Variants in MS4A6A observed in about 807,000 individuals in gnomAD.
The protein encoded by MS4A6A is membrane spanning 4-domains A6A, also known as membrane-spanning 4-domains subfamily A member 6A.
In MS4A6A, 19 loss-of-function variants were observed where a neutral mutation model predicts 20.6. The ratio of observed to expected loss-of-function variants is 0.92; its 90% CI spans 0.64 to 1.36. The LOEUF is 1.36. MS4A6A is among the 40% of genes most tolerant of loss of function. The pLI, the probability that MS4A6A is intolerant of heterozygous loss-of-function variation, is 0.00. For synonymous variants in MS4A6A, 108 were observed against 105.0 expected (o/e 1.03, Z -0.17); for missense variants, 272 against 261.1 (o/e 1.04, Z -0.29).
At chr11:60,172,482 A>G (rs1177968688), downstream of MS4A6A, 2 of 1,239,870 alleles carry the variant, frequency 1.6e-6, no homozygotes, top group Non-Finnish European at 2.0e-6. Flanking sequence ...AAATAAAGCC[A>G]TAAGTCCATA....
intron 3 of MS4A6A, 136 bp downstream of exon 3, chr11:60,179,695 C>A (rs996768797): frequency 2.0e-6 from 2 of 977,646 alleles, no homozygotes; most frequent in Admixed American, 3.6e-5. Flanking sequence ...TCCTACCCGA[C>A]AGGAGAACAA....
chr11:60,175,223 T>C (rs763532294), intron 5 of MS4A6A, among the ~76,000 whole-genome samples, 179 bp downstream of exon 5: 1 of 152,242 alleles, frequency 6.6e-6, no homozygotes, highest in Non-Finnish European at 1.5e-5. Context: ...AATTCCACTC[T>C]ATTAGTATGT....
chr11:60,183,378 A>C, upstream of MS4A6A: 1 of 553,654 alleles, frequency 1.8e-6, no homozygotes, highest in Non-Finnish European at 3.2e-6. Flanking sequence ...TGTCATAAAG[A>C]TGAGCAAAAA....
intron 5 of MS4A6A, among the ~76,000 whole-genome samples, chr11:60,174,556 C>T (rs770231879): frequency 1.5e-4 from 23 of 152,146 alleles, no homozygotes; most frequent in Admixed American, 8.5e-4. Context: ...GAACACCTGA[C>T]CTCGTGATCC....
chr11:60,181,355 A>T (rs1456880109), intron 2 of MS4A6A: 5 of 569,222 alleles, frequency 8.8e-6, no homozygotes, highest in Non-Finnish European at 1.2e-5. Context: ...CAAAGACAAC[A>T]ATAGAAAATC....
chr11:60,172,361 A>T, downstream of MS4A6A: 1 of 1,496,220 alleles, frequency 6.7e-7, no homozygotes, highest in Admixed American at 2.2e-5. Context: ...CTAATCCAAG[A>T]TAAGTAGAGC....
intron 3 of MS4A6A, chr11:60,178,895 C>T (rs572197688): frequency 1.1e-4 from 44 of 413,516 alleles, no homozygotes; most frequent in African/African-American, 5.7e-4. Context: ...TCTCAGCCAG[C>T]GCTACCCAAA....
Position 60,175,508 on chromosome 11 carries a change from T to A in MS4A6A, c.443A>T (p.Gln148Leu), listed in dbSNP as rs570232547. ...TATATTATTTTTGTCCAACTCACAC[T>A]GCAGTGAGGCAGGATTTAAGGTGGC... Reference protein sequence around the residue: ...KQATLNPASLQCELDKNNIPT... With the variant: ...KQATLNPASLLCELDKNNIPT... The change falls in exon 5 of 6, where the codon CAG becomes CTG. Residue 148 changes from glutamine to leucine, a missense_variant. Gln to Leu is a moderately radical substitution (Grantham distance 113). Transcript: ENST00000528851. 2 of 1,614,114 alleles carry A rather than the reference T, an allele frequency of 1.2e-6. No individual in the cohort carries two copies. Among genetic ancestry groups the A allele is most frequent in the East Asian group, 2.2e-5 (1 of 44,884 alleles).
intron 1 of MS4A6A, 82 bp downstream of exon 1, chr11:60,182,896 G>T: frequency 1.3e-6 from 1 of 752,204 alleles, no homozygotes; most frequent in Non-Finnish European, 1.8e-6. Flanking sequence ...CTGCTGTCAA[G>T]GAGTTTCAAG....
At chr11:60,173,696 T>C (rs1003184434) in intron 5 of MS4A6A, among the ~76,000 whole-genome samples, 1 of 152,246 alleles carries the variant, frequency 6.6e-6, no homozygotes, top group Non-Finnish European at 1.5e-5. Flanking sequence ...TTCTTCTTGA[T>C]TTTTGTTGTT....
chr11:60,181,813 C>T, intron 1 of MS4A6A, 72 bp from the exon 2 acceptor site: 2 of 1,476,584 alleles, frequency 1.4e-6, no homozygotes, highest in Non-Finnish European at 1.9e-6. Flanking sequence ...AAAACAGTAA[C>T]TCAGTCTTTG....
rs926584203 is a variant in MS4A6A, at chr11:60,181,855, A to G, written c.-14-114T>C. On this transcript the variant is annotated intron_variant, in intron 1 of 5. Transcript: ENST00000528851. ...AGTCTAGGCTTGGCCTGTCCATTAG[A>G]GAAAGAAACTGATAGTATGGAACAG... 7.0e-6 allele frequency: 7 copies of G among 994,830 alleles called. No individual in the cohort carries two copies. The Admixed American group carries it at 1.6e-4, about 23-fold the overall frequency. The allele number at this position is 994,830 out of a possible 1,614,324, so 61.6% of individuals were successfully genotyped here. A position where few individuals can be genotyped will look rare whatever the true frequency, so the allele number is the denominator to read the frequency against.
At position 60,179,810 on chromosome 11, in the gene MS4A6A, C is replaced by T. The variant is rs749633289; in HGVS notation, c.282+21G>A. 5.0e-6 allele frequency: 8 copies of T among 1,613,856 alleles called. No homozygotes were observed. In the African/African-American group the frequency reaches 5.3e-5, roughly 11 times the overall value. On this transcript the variant is annotated intron_variant, in intron 3 of 5. Transcript: ENST00000528851. ...CCTCCCCTCTTTGCCCCATCCTGCC[C>T]TCCTCAGAAACTCTACTCACAAAAA...
intron 3 of MS4A6A, chr11:60,178,836 T>TA (rs1856982106): frequency 5.0e-6 from 2 of 401,562 alleles, no homozygotes; most frequent in Non-Finnish European, 9.9e-6. Context: ...ACTCTAAACA[T>TA]CAAAAAAAAA....
intron 5 of MS4A6A, among the ~76,000 whole-genome samples, chr11:60,173,954 A>G (rs1856709786): frequency 6.6e-6 from 1 of 152,248 alleles, no homozygotes; most frequent in Non-Finnish European, 1.5e-5. Flanking sequence ...GAGAAGATAT[A>G]ACTTTTTCCA....
rs1279558637 is a variant in MS4A6A at position 60,173,109 on chromosome 11, C to T, written c.570G>A (p.Leu190=). Residue 190 remains leucine, a synonymous_variant, in exon 6 of 6, where the codon CTG becomes CTA. Coordinates refer to ENST00000528851, the MANE Select transcript of MS4A6A (RefSeq NM_022349.4). ...GGCAGAATTCCAGCAGAGTGCAAAT[C>T]AGCATCAGAGAGAGAGTTCCCTGAA... The part of the protein sequence containing the change: ...ASLAGTLSLM[L]ICTLLEFCLA... 1 of 1,613,966 alleles carries T rather than the reference C, an allele frequency of 6.2e-7. No individual in the cohort carries two copies. Among genetic ancestry groups the T allele is most frequent in the Non-Finnish European group, 8.5e-7 (1 of 1,179,890 alleles).
rs751884736 is a variant in MS4A6A, at chr11:60,181,693, A to G, written c.35T>C (p.Ile12Thr). ...GTTGATGACATTTGATGGGAGCACT[A>G]TGATGGTCTCATTGGGAACAGGTTG... is the stretch of plus-strand genomic sequence containing the variant. Reference protein sequence around the residue: ...TSQPVPNETIIVLPSNVINFS... With the variant: ...TSQPVPNETITVLPSNVINFS... Residue 12 changes from isoleucine (I) to threonine (T), a missense_variant, in exon 2 of 6, where the codon ATA becomes ACA. Ile to Thr is a moderately conservative substitution (Grantham distance 89). Transcript: ENST00000528851. The G allele has an allele frequency of 2.2e-5, 36 of 1,613,994 alleles. No homozygotes were observed. In the South Asian group the frequency reaches 3.4e-4, roughly 15 times the overall value.
At chr11:60,175,663 T>C (rs1328618148) in intron 4 of MS4A6A, 52 bp from the exon 5 acceptor site, 14 of 1,565,762 alleles carry the variant, frequency 8.9e-6, no homozygotes, top group Non-Finnish European at 1.2e-5. Context: ...ATGAATCTGT[T>C]ATGCATCTTT....
rs374794122 is a variant in MS4A6A, at chr11:60,178,328, G to C, written c.283-12C>G. The stretch of plus-strand genomic sequence containing the variant: ...CCAGAGATGATAAACTAAGATAAAA[G>C]AGAAAATGGTCAGGTCAGATTCCAT... On this transcript the variant is annotated splice_polypyrimidine_tract_variant and intron_variant, in intron 3 of 5. Coordinates refer to ENST00000528851, the MANE Select transcript of MS4A6A (RefSeq NM_022349.4). The C allele has an allele frequency of 9.9e-6, 16 of 1,612,432 alleles. No homozygotes were observed. The African/African-American group carries it at 1.9e-4, about 19-fold the overall frequency.
Sources: gnomAD v4.1 joint callset for allele counts (sites outside exome capture counted in the v4.1 genomes callset) on GRCh38, gnomAD v4.1.1 for gene constraint, MANE v1.5 for transcripts, NCBI Gene and HGNC (gene_info 2026-07-23, HGNC 2026-07-21) for gene names.